CLEC1A: variants seen among roughly 807,000 people sequenced by gnomAD.
CLEC1A encodes the protein C-type lectin-like receptor-1.
In CLEC1A, 34 loss-of-function variants were observed where a neutral mutation model predicts 28.7. The ratio of observed to expected loss-of-function variants is 1.18; its 90% CI spans 0.90 to 1.57. CLEC1A has a LOEUF of 1.57. CLEC1A is among the 40% of genes most tolerant of loss of function. The pLI is 0.00. For synonymous variants in CLEC1A, 116 were observed against 121.0 expected (o/e 0.96, Z 0.27); for missense variants, 385 against 339.5 (o/e 1.13, Z -1.05).
chr12:10,070,315 A>G lies in CLEC1A; in HGVS notation c.*1018T>C, dbSNP rs1866098955. ...TTTCTTGAAGCCAACACGTATTTCA[A>G]AGACATCTTATTTTCTCCAGATAAT... On this transcript the variant is annotated 3_prime_UTR_variant, in exon 6 of 6. Transcript: ENST00000315330. 6.6e-6 allele frequency: 1 copy of G among 152,218 alleles called. No homozygotes were observed. The highest frequency in any genetic ancestry group is 1.5e-5 in the Non-Finnish European group (1 of 68,030). 9.4% of individuals were successfully genotyped at this position (152,218 alleles called of 1,614,324 possible).
chr12:10,081,188 C>G, intron 3 of CLEC1A, 49 bp downstream of exon 3: 1 of 1,438,984 alleles, frequency 6.9e-7, no homozygotes, highest in South Asian at 1.5e-5. Context: ...GGAAATCCAT[C>G]TCTCTGTTTC....
intron 1 of CLEC1A, among the ~76,000 whole-genome samples, chr12:10,092,849 C>A (rs58099478): frequency 6.6e-6 from 1 of 152,026 alleles, no homozygotes; most frequent in Admixed American, 6.5e-5. Flanking sequence ...TCTAAGAAAT[C>A]CTCTTTCTCT....
chr12:10,073,097 A>T (rs1280023113), intron 5 of CLEC1A, among the ~76,000 whole-genome samples, 196 bp downstream of exon 5: 1 of 152,088 alleles, frequency 6.6e-6, no homozygotes, highest in Non-Finnish European at 1.5e-5. Context: ...AATCAAACGA[A>T]CAAACACACA....
At chr12:10,095,210 TAAAAC>T (rs2137374988) in intron 1 of CLEC1A, among the ~76,000 whole-genome samples, 1 of 152,272 alleles carries the variant, frequency 6.6e-6, no homozygotes, top group South Asian at 2.1e-4. Context: ...ATTGAGGAAA[TAAAAC>T]TAAAACGCTG....
In CLEC1A at chr12:10,098,668, AT is replaced by A. The variant is rs1261003796; in HGVS notation, c.115+139del. 5.3e-6 allele frequency: 3 copies of A among 567,030 alleles called. No individual in the cohort carries two copies. In the African/African-American group the frequency reaches 5.8e-5, roughly 11 times the overall value. The allele number at this position is 567,030 out of a possible 1,614,324, so 35.1% of individuals were successfully genotyped here. ...AACTGAATATAACTGAAAAAAAAAA[AT>A]CACTACTATGTCACAGGGCGAGTAA... is the stretch of plus-strand genomic sequence containing the variant. On this transcript the variant is annotated intron_variant, in intron 1 of 5. Coordinates refer to ENST00000315330, the MANE Select transcript of CLEC1A (RefSeq NM_016511.4).
At chr12:10,096,524 G>C (rs1358641397) in intron 1 of CLEC1A, among the ~76,000 whole-genome samples, 1 of 152,018 alleles carries the variant, frequency 6.6e-6, no homozygotes, top group Non-Finnish European at 1.5e-5. Flanking sequence ...CAGCCAGGAA[G>C]GTCTTTCCAA....
intron 5 of CLEC1A, among the ~76,000 whole-genome samples, chr12:10,071,968 G>T (rs1591901163): frequency 6.6e-6 from 1 of 152,310 alleles, no homozygotes; most frequent in Middle Eastern, 3.4e-3. Flanking sequence ...CTCTTTCAAA[G>T]GATACTGATG....
chr12:10,069,811 A>G lies in CLEC1A; in HGVS notation c.*1522T>C, dbSNP rs1240469662. ...ACAGAAAATTGAAAGGAAAGTTCTC[A>G]AGGAAGAATCCGCAATAGTCTTTGC... On this transcript the variant is annotated 3_prime_UTR_variant, in exon 6 of 6. Coordinates refer to ENST00000315330, the MANE Select transcript of CLEC1A (RefSeq NM_016511.4). 6.6e-6 allele frequency: 1 copy of G among 152,234 alleles called. No homozygotes were observed. Among genetic ancestry groups the G allele is most frequent in the Admixed American group, 6.5e-5 (1 of 15,280 alleles). 9.4% of individuals were successfully genotyped at this position (152,234 alleles called of 1,614,324 possible).
At chr12:10,085,731 C>T (rs1374978213) in intron 2 of CLEC1A, among the ~76,000 whole-genome samples, 1 of 152,020 alleles carries the variant, frequency 6.6e-6, no homozygotes, top group Non-Finnish European at 1.5e-5. Context: ...TGGGGGACTT[C>T]AATACTCCAC....
intron 2 of CLEC1A, among the ~76,000 whole-genome samples, chr12:10,087,887 G>A (rs1866534080): frequency 6.6e-6 from 1 of 151,652 alleles, no homozygotes; most frequent in Non-Finnish European, 1.5e-5. Context: ...ATAGAAATGT[G>A]GAGTTATAAT....
chr12:10,097,085 T>C (rs1021280385), intron 1 of CLEC1A, among the ~76,000 whole-genome samples: 7 of 152,196 alleles, frequency 4.6e-5, no homozygotes, highest in Non-Finnish European at 7.4e-5. Context: ...AAACATAAGT[T>C]TGTGAAAAAT....
chr12:10,097,962 T>TAATAAATATA (rs140773090), intron 1 of CLEC1A, among the ~76,000 whole-genome samples: 3 of 141,842 alleles, frequency 2.1e-5, no homozygotes, highest in African/African-American at 7.8e-5. Context: ...GAGGGTCATT[T>TAATAAATATA]AATAAATAGA....
chr12:10,075,724 T>C (rs967833332), intron 3 of CLEC1A, 69 bp from the exon 4 acceptor site: 31 of 1,356,186 alleles, frequency 2.3e-5, no homozygotes, highest in Admixed American at 1.0e-4. Flanking sequence ...TGAAATTATA[T>C]AGTATTTGAT....
intron 1 of CLEC1A, among the ~76,000 whole-genome samples, chr12:10,092,708 A>G (rs1413142100): frequency 1.3e-5 from 2 of 152,224 alleles, no homozygotes; most frequent in Non-Finnish European, 2.9e-5. Context: ...GGACTTTAGA[A>G]ATCAGAACAT....
intron 2 of CLEC1A, among the ~76,000 whole-genome samples, chr12:10,084,723 G>C (rs1866445773): frequency 6.7e-6 from 1 of 149,214 alleles, no homozygotes; most frequent in Non-Finnish European, 1.5e-5. Flanking sequence ...TCAGAATGCT[G>C]GGGCAGGAGA....
At chr12:10,078,496 G>A (rs180760881) in intron 3 of CLEC1A, among the ~76,000 whole-genome samples, 5 of 152,062 alleles carry the variant, frequency 3.3e-5, no homozygotes, top group Non-Finnish European at 5.9e-5. Context: ...CAGGATTTAC[G>A]ACAGCTCTAT....
chr12:10,085,236 CACACACAA>C (rs1215972541), intron 2 of CLEC1A, among the ~76,000 whole-genome samples: 2 of 144,770 alleles, frequency 1.4e-5, no homozygotes, highest in African/African-American at 5.6e-5. Context: ...CACACACACA[CACACACAA>C]TAAAACAAGG....
intron 1 of CLEC1A, among the ~76,000 whole-genome samples, chr12:10,098,245 TCAGA>T (rs1947804253): frequency 6.6e-6 from 1 of 152,146 alleles, no homozygotes; most frequent in African/African-American, 2.4e-5. Flanking sequence ...CTATATCAGA[TCAGA>T]CAGACATTCA....
chr12:10,078,051 C>T (rs1017144569), intron 3 of CLEC1A, among the ~76,000 whole-genome samples: 4 of 152,158 alleles, frequency 2.6e-5, no homozygotes, highest in Admixed American at 6.5e-5. Context: ...ATCATTTCCA[C>T]AAACAATATC....
Sources: gnomAD v4.1 joint callset for allele counts (sites outside exome capture counted in the v4.1 genomes callset) on GRCh38, gnomAD v4.1.1 for gene constraint, MANE v1.5 for transcripts, NCBI Gene and HGNC (gene_info 2026-07-23, HGNC 2026-07-21) for gene names.